The following KIF21A variants were observed in gnomAD, a reference collection of about 807,000 sequenced individuals.
The protein encoded by KIF21A is kinesin-like protein KIF21A.
In KIF21A, 114 loss-of-function variants were observed where a neutral mutation model predicts 202.9. That is an observed-to-expected ratio of 0.56 (90% CI 0.48 to 0.66). The LOEUF (loss-of-function observed/expected upper bound fraction) is 0.66, where lower values mean the gene tolerates loss of function less well. Among genes scored for constraint, KIF21A ranks in the 30% least tolerant of loss-of-function variants. The pLI is 0.00. For missense variants in KIF21A, 1,677 were observed against 1,994.9 expected (o/e 0.84, Z 3.04); for synonymous variants, 667 against 670.8 (o/e 0.99, Z 0.09).
chr12:39,328,585 G>A (rs994074814), intron 24 of KIF21A, among the ~76,000 whole-genome samples: 14 of 152,162 alleles, frequency 9.2e-5, no homozygotes, highest in Admixed American at 7.9e-4. Context: ...AAATAAGGAT[G>A]TTCTTTAAAG....
At chr12:39,322,610 C>T in intron 27 of KIF21A, 58 bp downstream of exon 27, 1 of 1,242,636 alleles carries the variant, frequency 8.0e-7, no homozygotes, top group Non-Finnish European at 1.2e-6. Context: ...TAGCAACATG[C>T]ATACTTTTTT....
chr12:39,317,282 G>A (rs754202057), intron 29 of KIF21A, among the ~76,000 whole-genome samples: 5 of 152,050 alleles, frequency 3.3e-5, no homozygotes, highest in African/African-American at 4.8e-5. Context: ...CAGACAGACA[G>A]ATCTTAAATG....
chr12:39,430,883 C>G (rs918223408), intron 1 of KIF21A, among the ~76,000 whole-genome samples: 3 of 152,164 alleles, frequency 2.0e-5, no homozygotes, highest in African/African-American at 7.2e-5. Flanking sequence ...TGAGCAGACA[C>G]ACACCCTCCC....
At chr12:39,335,410 CAA>C (rs1033088626) in intron 17 of KIF21A, among the ~76,000 whole-genome samples, 6 of 61,956 alleles carry the variant, frequency 9.7e-5, no homozygotes, top group East Asian at 4.5e-4. Flanking sequence ...GACTCTGTCT[CAA>C]AAAAAAAAAA....
In KIF21A at chr12:39,358,310, G is replaced by A. The variant is rs755980392; in HGVS notation, c.1083C>T (p.Thr361=). Residue 361 remains threonine, a synonymous_variant, in exon 8 of 38, where the codon ACC becomes ACT. Coordinates refer to ENST00000361418, the MANE Select transcript of KIF21A (RefSeq NM_001173464.2). The stretch of plus-strand genomic sequence containing the variant: ...TTCTAGCTCGATTGGCGTATTTCAG[G>A]GTGTTTAACGTTTCCATAAAGTCTC... ...SDRDFMETLN[T]LKYANRARNI... The A allele has an allele frequency of 1.1e-5, 18 of 1,613,970 alleles. No homozygotes were observed. In the South Asian group the frequency reaches 2.0e-4, roughly 18 times the overall value.
chr12:39,357,065 G>A (rs1189437713), intron 9 of KIF21A, among the ~76,000 whole-genome samples, 170 bp from the exon 10 acceptor site: 1 of 152,004 alleles, frequency 6.6e-6, no homozygotes, highest in Non-Finnish European at 1.5e-5. Flanking sequence ...GATTACAAAG[G>A]GAATATTTTG....
At chr12:39,405,768 T>C (rs987131678) in intron 1 of KIF21A, among the ~76,000 whole-genome samples, 1 of 152,174 alleles carries the variant, frequency 6.6e-6, no homozygotes, top group African/African-American at 2.4e-5. Context: ...ATTTCTCTGT[T>C]TGAAACAGAA....
At position 39,333,011 on chromosome 12, in the gene KIF21A, T is replaced by C. The variant is rs1200130993; in HGVS notation, c.2584A>G (p.Thr862Ala). ...TCGACAGCAGCTGCACTGGAACCTGTGTCCTGAGCAGGTGCATCAGATGAA... is the reference window on the plus strand; with the variant it reads ...TCGACAGCAGCTGCACTGGAACCTGCGTCCTGAGCAGGTGCATCAGATGAA... ...LSSSDAPAQD[T>A]GSSAAAVETD... Residue 862 changes from threonine to alanine, a missense_variant, in exon 19 of 38, where the codon ACA becomes GCA. Around this residue, in one of 3 missense-constraint regions of KIF21A, gnomAD observed 966 missense variants for 1,180.9 expected, o/e 0.82. Coordinates refer to ENST00000361418, the MANE Select transcript of KIF21A (RefSeq NM_001173464.2). 6.2e-7 allele frequency: 1 copy of C among 1,613,992 alleles called. No homozygotes were observed. The highest frequency in any genetic ancestry group is 1.6e-4 in the Middle Eastern group (1 of 6,062).
chr12:39,398,244 C>T (rs747730136), intron 1 of KIF21A, among the ~76,000 whole-genome samples: 1 of 152,184 alleles, frequency 6.6e-6, no homozygotes, highest in South Asian at 2.1e-4. Flanking sequence ...GGCCATCTTT[C>T]GTACTGAATG....
At position 39,301,602 on chromosome 12, in the gene KIF21A, G is replaced by T; in HGVS notation, c.4809C>A (p.Cys1603Ter). 1 of 1,614,052 alleles carries T rather than the reference G, an allele frequency of 6.2e-7. No homozygotes were observed. The highest frequency in any genetic ancestry group is 8.5e-7 in the Non-Finnish European group (1 of 1,179,968). The change falls in exon 37 of 38, where the codon TGC becomes TGA. Residue 1603 changes from cysteine to a stop codon, truncating the protein, a stop_gained. Coordinates refer to ENST00000361418, the MANE Select transcript of KIF21A (RefSeq NM_001173464.2). LOFTEE classifies it high-confidence loss of function. ...VPDHPVLLSG[C>*]RGGILKVWNM... ...TCCAGACTTTCAAAATGCCCCCTCT[G>T]CAGCCACTGAGCAAAACTGGGTGGT...
At chr12:39,385,373 A>T (rs1233618828) in intron 1 of KIF21A, among the ~76,000 whole-genome samples, 1 of 152,208 alleles carries the variant, frequency 6.6e-6, no homozygotes, top group East Asian at 1.9e-4. Context: ...GCTAATGGAT[A>T]TGAACAAAAT....
intron 1 of KIF21A, among the ~76,000 whole-genome samples, chr12:39,391,929 G>A (rs1301948838): frequency 1.3e-5 from 2 of 151,964 alleles, no homozygotes; most frequent in African/African-American, 2.4e-5. Context: ...TAGTAGAGAC[G>A]GGGTTTCACC....
chr12:39,426,718 CAAAAAAAA>C (rs1200308560), intron 1 of KIF21A, among the ~76,000 whole-genome samples: 1 of 81,930 alleles, frequency 1.2e-5, no homozygotes, highest in Non-Finnish European at 2.6e-5. Flanking sequence ...ACTAAAAATA[CAAAAAAAA>C]AAAAAAAAAT....
intron 24 of KIF21A, among the ~76,000 whole-genome samples, chr12:39,329,002 C>T (rs1281044935): frequency 3.9e-5 from 6 of 152,168 alleles, no homozygotes; most frequent in Admixed American, 3.9e-4. Flanking sequence ...GCATCAAGTC[C>T]ATAAGGACAA....
chr12:39,436,322 C>A (rs748243504), intron 1 of KIF21A, among the ~76,000 whole-genome samples: 9 of 150,508 alleles, frequency 6.0e-5, no homozygotes, highest in African/African-American at 9.8e-5. Context: ...GCCTCTAACA[C>A]CTCAACTATC....
In KIF21A at chr12:39,370,101, T is replaced by C. The variant is rs764312133; in HGVS notation, c.205A>G (p.Ile69Val). Residue 69 changes from isoleucine to valine, a missense_variant, in exon 2 of 38, where the codon ATA becomes GTA. Physicochemically the swap from Ile to Val is conservative, Grantham distance 29 (BLOSUM62 3). Coordinates refer to ENST00000361418, the MANE Select transcript of KIF21A (RefSeq NM_001173464.2). Reference sequence around the variant, plus strand: ...AAGCAACCTTCAATTAGTTTTTCTATACATTGAATGTAGATCTGCTCTTGC... The same window carrying C: ...AAGCAACCTTCAATTAGTTTTTCTACACATTGAATGTAGATCTGCTCTTGC... ...SQQEQIYIQC[I>V]EKLIEGCFEG... 3 of 1,613,814 alleles carry C rather than the reference T, an allele frequency of 1.9e-6. No individual in the cohort carries two copies. Among genetic ancestry groups the C allele is most frequent in the Non-Finnish European group, 2.5e-6 (3 of 1,179,778 alleles).
At chr12:39,316,041 C>A in intron 29 of KIF21A, 71 bp from the exon 30 acceptor site, 1 of 1,025,488 alleles carries the variant, frequency 9.8e-7, no homozygotes, top group Non-Finnish European at 1.6e-6. Context: ...TGACTTTGGA[C>A]TCAAAATCAA....
Position 39,367,969 on chromosome 12 carries a change from T to A in KIF21A, c.514A>T (p.Lys172Ter). The A allele has an allele frequency of 6.2e-7, 1 of 1,607,114 alleles. No individual in the cohort carries two copies. The highest frequency in any genetic ancestry group is 1.1e-5 in the South Asian group (1 of 90,904). The change falls in exon 4 of 38, where the codon AAA (lysine) becomes TAA (stop). Residue 172 changes from lysine (K) to a stop codon, truncating the protein, a stop_gained. Coordinates refer to ENST00000361418, the MANE Select transcript of KIF21A (RefSeq NM_001173464.2). LOFTEE classifies it high-confidence loss of function. The stretch of plus-strand genomic sequence containing the variant: ...TCTTCATGAATTCTTATATTTGATT[T>A]TTTACTTTTTGCATCAATATCACGA... ...TTRDIDAKSK[K>*]SNIRIHEDST...
chr12:39,296,617 T>G (rs1295614762), intron 37 of KIF21A, among the ~76,000 whole-genome samples: 1 of 152,186 alleles, frequency 6.6e-6, no homozygotes, highest in Non-Finnish European at 1.5e-5. Context: ...ATACTCTTAC[T>G]GAGGAAGAAA....
Sources: allele counts gnomAD v4.1 joint callset (sites outside exome capture counted in the v4.1 genomes callset), GRCh38; gene constraint gnomAD v4.1.1; regional missense constraint gnomAD v4.1.1; transcripts MANE v1.5; gene names NCBI Gene and HGNC (gene_info 2026-07-23, HGNC 2026-07-21).